The following TMEM135 variants were observed in gnomAD, a reference collection of about 807,000 sequenced individuals.
TMEM135 encodes peroxisomal membrane protein 52.
In TMEM135, 30 loss-of-function variants were observed where a neutral mutation model predicts 60.3. The ratio of observed to expected loss-of-function variants is 0.50; its 90% CI spans 0.37 to 0.68. The LOEUF is 0.68. TMEM135 is among the 30% of genes least tolerant of loss of function. The pLI is 0.00. For missense variants in TMEM135, 468 were observed against 548.8 expected (o/e 0.85, Z 1.47); for synonymous variants, 190 against 186.7 (o/e 1.02, Z -0.14).
chr11:87,314,056 G>C (rs1049796927), intron 11 of TMEM135, among the ~76,000 whole-genome samples: 3 of 151,756 alleles, frequency 2.0e-5, no homozygotes, highest in Non-Finnish European at 3.0e-5. Flanking sequence ...CAGTGCTATG[G>C]AGAGAAGTAT....
At position 87,159,619 on chromosome 11, in the gene TMEM135, C is replaced by CCCCT. The variant is rs4014715; in HGVS notation, c.462+2213_462+2214insCCCT. On this transcript the variant is annotated intron_variant, in intron 5 of 14. Transcript: ENST00000305494. ...CACACACACACACACACACACACAC[C>CCCCT]ATAGATTTTCCGAGACGGTTGGCTA... 8.2e-5 allele frequency among the ~76,000 whole-genome samples: 7 copies of CCCCT among 85,466 alleles called. No individual in the cohort carries two copies. In the East Asian group the frequency reaches 6.1e-3, roughly 75 times the overall value. 56.1% of individuals were successfully genotyped at this position (85,466 alleles called of 152,430 possible).
chr11:87,268,727 T>C (rs1941802900), intron 6 of TMEM135, among the ~76,000 whole-genome samples: 1 of 152,128 alleles, frequency 6.6e-6, no homozygotes, highest in African/African-American at 2.4e-5. Context: ...GTTGTTGATA[T>C]TCTTTATTTG....
At chr11:87,045,475 C>T (rs978624523) in intron 1 of TMEM135, among the ~76,000 whole-genome samples, 1 of 151,406 alleles carries the variant, frequency 6.6e-6, no homozygotes, top group African/African-American at 2.5e-5. Flanking sequence ...TTTTCTGTAG[C>T]AGCTAACTCT....
At chr11:87,319,785 C>T (rs1249534327) in intron 14 of TMEM135, among the ~76,000 whole-genome samples, 1 of 152,128 alleles carries the variant, frequency 6.6e-6, no homozygotes, top group Non-Finnish European at 1.5e-5. Flanking sequence ...CTCTACCTTA[C>T]ATATCATTTT....
chr11:87,087,984 C>T (rs1316964983), intron 3 of TMEM135, among the ~76,000 whole-genome samples: 1 of 152,126 alleles, frequency 6.6e-6, no homozygotes, highest in Non-Finnish European at 1.5e-5. Flanking sequence ...GTGATCCGCC[C>T]TCCTTGGCCT....
intron 2 of TMEM135, among the ~76,000 whole-genome samples, chr11:87,069,284 C>CAAAAAAAAA (rs778885228): frequency 4.3e-4 from 27 of 62,512 alleles, no homozygotes; most frequent in Admixed American, 6.1e-4. Flanking sequence ...GACTCCGTCT[C>CAAAAAAAAA]AAAAAAAAAA....
At chr11:87,066,236 A>G (rs1194123670) in intron 1 of TMEM135, among the ~76,000 whole-genome samples, 1 of 152,026 alleles carries the variant, frequency 6.6e-6, no homozygotes, top group Non-Finnish European at 1.5e-5. Flanking sequence ...TTATGTTCTA[A>G]CCTTTTTGGT....
intron 6 of TMEM135, chr11:87,258,837 G>A (rs548745450): frequency 3.5e-5 from 25 of 713,324 alleles, no homozygotes; most frequent in South Asian, 2.8e-4. Context: ...GCTCATATAC[G>A]GCAGTAACAA....
intron 7 of TMEM135, among the ~76,000 whole-genome samples, chr11:87,297,683 A>G (rs987267460): frequency 1.3e-5 from 2 of 152,192 alleles, no homozygotes; most frequent in Non-Finnish European, 2.9e-5. Flanking sequence ...AGTTTGGACT[A>G]TTTGCACTTA....
At chr11:87,206,864 G>A (rs1335008360) in intron 5 of TMEM135, among the ~76,000 whole-genome samples, 1 of 151,966 alleles carries the variant, frequency 6.6e-6, no homozygotes, top group Non-Finnish European at 1.5e-5. Flanking sequence ...GTGCCTAGAG[G>A]CTTTATTTTT....
intron 6 of TMEM135, among the ~76,000 whole-genome samples, chr11:87,260,239 G>A (rs1334530696): frequency 6.6e-6 from 1 of 152,146 alleles, no homozygotes; most frequent in Non-Finnish European, 1.5e-5. Flanking sequence ...AAACACAATT[G>A]TTAACTTCTG....
intron 5 of TMEM135, among the ~76,000 whole-genome samples, chr11:87,214,236 A>G (rs1054538875): frequency 1.3e-5 from 2 of 152,200 alleles, no homozygotes; most frequent in Non-Finnish European, 2.9e-5. Context: ...CTGTTCTAGA[A>G]TGGGGTGAAT....
At chr11:87,311,725 A>G (rs1452474919) in intron 10 of TMEM135, among the ~76,000 whole-genome samples, 2 of 152,170 alleles carry the variant, frequency 1.3e-5, no homozygotes, top group South Asian at 2.1e-4. Context: ...TGATTTTTCA[A>G]AAACAAATTG....
At chr11:87,107,018 A>G (rs1294757564) in intron 4 of TMEM135, among the ~76,000 whole-genome samples, 2 of 152,208 alleles carry the variant, frequency 1.3e-5, no homozygotes, top group East Asian at 3.8e-4. Flanking sequence ...AGAACTCGCT[A>G]TCACGAAGAC....
intron 6 of TMEM135, among the ~76,000 whole-genome samples, chr11:87,256,978 T>C (rs1941539522): frequency 6.6e-6 from 1 of 152,142 alleles, no homozygotes; most frequent in African/African-American, 2.4e-5. Flanking sequence ...CAAATGAGAT[T>C]ATATTATGTA....
chr11:87,254,782 G>T (rs1163738357), intron 6 of TMEM135, among the ~76,000 whole-genome samples: 2 of 152,148 alleles, frequency 1.3e-5, no homozygotes, highest in Admixed American at 1.3e-4. Context: ...AGTTCAGTGT[G>T]TGGGTGGATG....
chr11:87,179,950 TTG>T (rs1939473397), intron 5 of TMEM135, among the ~76,000 whole-genome samples: 1 of 152,094 alleles, frequency 6.6e-6, no homozygotes, highest in African/African-American at 2.4e-5. Context: ...GTTGTTGTTG[TTG>T]TTGTTTTCTC....
chr11:87,176,618 C>T (rs2135296806), intron 5 of TMEM135, among the ~76,000 whole-genome samples: 1 of 152,018 alleles, frequency 6.6e-6, no homozygotes, highest in East Asian at 1.9e-4. Flanking sequence ...TACAAATTTC[C>T]ATATACCTTT....
At chr11:87,161,754 A>T (rs1351437270) in intron 5 of TMEM135, among the ~76,000 whole-genome samples, 3 of 152,208 alleles carry the variant, frequency 2.0e-5, no homozygotes, top group Non-Finnish European at 4.4e-5. Context: ...TAAAATTTTT[A>T]AAATACCAGA....
Sources: gnomAD v4.1 joint callset for allele counts (sites outside exome capture counted in the v4.1 genomes callset) on GRCh38, gnomAD v4.1.1 for gene constraint, MANE v1.5 for transcripts, NCBI Gene and HGNC (gene_info 2026-07-23, HGNC 2026-07-21) for gene names.